Variants in EXOC4 observed in about 807,000 individuals in gnomAD.
The protein encoded by EXOC4 is SEC8-like 1.
EXOC4 carries 71 observed loss-of-function variants against 107.2 expected under a neutral mutation model. The ratio of observed to expected loss-of-function variants is 0.66; its 90% CI spans 0.55 to 0.81. The LOEUF (loss-of-function observed/expected upper bound fraction) is 0.81. EXOC4 is among the 30% of genes least tolerant of loss of function. The probability of loss-of-function intolerance (pLI) is 0.00; values close to 1 mark genes in which losing one functional copy is unlikely to be tolerated. For synonymous variants in EXOC4, 456 were observed against 441.2 expected (o/e 1.03, Z -0.42); for missense variants, 1,108 against 1,189.6 (o/e 0.93, Z 1.01).
intron 14 of EXOC4, among the ~76,000 whole-genome samples, chr7:133,952,095 G>T (rs1365996676): frequency 1.3e-5 from 2 of 152,096 alleles, no homozygotes; most frequent in African/African-American, 4.8e-5. Flanking sequence ...GGTGGAGGTT[G>T]CAGTGAGCCA....
chr7:133,842,779 T>G (rs1798048110), intron 11 of EXOC4, among the ~76,000 whole-genome samples: 1 of 152,228 alleles, frequency 6.6e-6, no homozygotes, highest in Non-Finnish European at 1.5e-5. Flanking sequence ...GTTTTATATT[T>G]AAGTCTTTAA....
chr7:133,723,994 G>A (rs984450216), intron 10 of EXOC4, among the ~76,000 whole-genome samples: 4 of 152,002 alleles, frequency 2.6e-5, no homozygotes, highest in African/African-American at 7.3e-5. Context: ...AATTAAAAGC[G>A]AAGCCCTGAG....
chr7:133,619,976 CCT>C (rs1802286168), intron 9 of EXOC4, among the ~76,000 whole-genome samples: 1 of 129,382 alleles, frequency 7.7e-6, no homozygotes, highest in Admixed American at 8.5e-5. Context: ...TCTCTGTCTC[CCT>C]GTTTTCTGTG....
chr7:133,815,472 A>G (rs1797346532), intron 10 of EXOC4, among the ~76,000 whole-genome samples: 1 of 152,104 alleles, frequency 6.6e-6, no homozygotes, highest in African/African-American at 2.4e-5. Context: ...TATTTAGTAC[A>G]CTGTAACATT....
At chr7:133,496,188 C>T (rs956021561) in intron 9 of EXOC4, among the ~76,000 whole-genome samples, 6 of 151,962 alleles carry the variant, frequency 3.9e-5, no homozygotes, top group Non-Finnish European at 7.4e-5. Context: ...CTTGCTCTGT[C>T]CCCCAGGCTG....
intron 7 of EXOC4, among the ~76,000 whole-genome samples, chr7:133,427,643 T>G (rs1245407282): frequency 6.6e-6 from 1 of 152,154 alleles, no homozygotes; most frequent in Non-Finnish European, 1.5e-5. Context: ...CACAGGAAGG[T>G]TGAGCCACCC....
At chr7:133,509,898 A>G (rs1254369997) in intron 9 of EXOC4, among the ~76,000 whole-genome samples, 5 of 152,134 alleles carry the variant, frequency 3.3e-5, no homozygotes, top group African/African-American at 4.8e-5. Flanking sequence ...GTCATCTTAC[A>G]TCTTTTCTTT....
chr7:134,076,799 A>G, the EXOC4 span, among the ~76,000 whole-genome samples: 4 of 151,982 alleles, frequency 2.6e-5, no homozygotes, highest in Admixed American at 1.3e-4. Context: ...AGATACATGG[A>G]ATCTTTGCAC....
intron 10 of EXOC4, among the ~76,000 whole-genome samples, chr7:133,644,178 G>A (rs747605492): frequency 3.3e-5 from 5 of 152,152 alleles, no homozygotes; most frequent in Non-Finnish European, 7.3e-5. Flanking sequence ...AATTAAGTAG[G>A]TATGCAGTAG....
intron 17 of EXOC4, among the ~76,000 whole-genome samples, chr7:134,045,310 G>A (rs915291701): frequency 5.9e-5 from 9 of 152,200 alleles, no homozygotes; most frequent in African/African-American, 2.2e-4. Flanking sequence ...GATGGAGAAA[G>A]TTCAAAGGCA....
intron 7 of EXOC4, among the ~76,000 whole-genome samples, chr7:133,429,837 T>C (rs976896475): frequency 6.6e-6 from 1 of 152,228 alleles, no homozygotes; most frequent in African/African-American, 2.4e-5. Context: ...GACCCCCTCA[T>C]GGGACTTGTG....
At chr7:133,867,036 T>G (rs1798655731) in intron 11 of EXOC4, among the ~76,000 whole-genome samples, 1 of 152,188 alleles carries the variant, frequency 6.6e-6, no homozygotes, top group Non-Finnish European at 1.5e-5. Context: ...ATCTCTCCAC[T>G]CATGCCAGTC....
At chr7:133,514,320 G>A (rs981471416) in intron 9 of EXOC4, among the ~76,000 whole-genome samples, 4 of 151,958 alleles carry the variant, frequency 2.6e-5, no homozygotes, top group Non-Finnish European at 4.4e-5. Flanking sequence ...GCATGCCACC[G>A]CGCCCAGCTA....
intron 14 of EXOC4, among the ~76,000 whole-genome samples, chr7:133,956,492 T>C (rs942798348): frequency 5.3e-5 from 8 of 152,330 alleles, no homozygotes; most frequent in East Asian, 1.9e-4. Flanking sequence ...CCAGCCCAGA[T>C]ACTTCTCGCA....
At chr7:133,351,196 G>A (rs1022498765) in intron 5 of EXOC4, among the ~76,000 whole-genome samples, 1 of 151,856 alleles carries the variant, frequency 6.6e-6, no homozygotes, top group Non-Finnish European at 1.5e-5. Context: ...ATCTGGCTTT[G>A]GTATCAGGGC....
At chr7:133,949,926 A>G (rs532024015) in intron 14 of EXOC4, among the ~76,000 whole-genome samples, 27 of 152,296 alleles carry the variant, frequency 1.8e-4, no homozygotes, top group African/African-American at 6.0e-4. Flanking sequence ...GTTATTGGCA[A>G]TGTCTGTATT....
intron 17 of EXOC4, among the ~76,000 whole-genome samples, chr7:134,029,425 G>T (rs1302494290): frequency 6.6e-6 from 1 of 152,200 alleles, no homozygotes. Context: ...CTTTAGGGCT[G>T]GATGGAGAAT....
chr7:133,495,559 G>T (rs912732880), intron 9 of EXOC4, among the ~76,000 whole-genome samples: 31 of 152,010 alleles, frequency 2.0e-4, no homozygotes, highest in African/African-American at 5.8e-4. Flanking sequence ...CTATCTCTTA[G>T]TTTTACCTAT....
intron 9 of EXOC4, among the ~76,000 whole-genome samples, chr7:133,495,994 G>GTATA (rs1799469972): frequency 6.6e-6 from 1 of 151,968 alleles, no homozygotes; most frequent in South Asian, 2.1e-4. Context: ...TGAGTGTGTA[G>GTATA]TATACCTTCT....
Sources: gnomAD v4.1 joint callset for allele counts (sites outside exome capture counted in the v4.1 genomes callset) on GRCh38, gnomAD v4.1.1 for gene constraint, MANE v1.5 for transcripts, NCBI Gene and HGNC (gene_info 2026-07-23, HGNC 2026-07-21) for gene names.